The following CCDC181 variants were observed in gnomAD, a reference collection of about 807,000 sequenced individuals.
CCDC181 encodes coiled-coil domain-containing protein 181.
A neutral mutation model predicts 58.7 loss-of-function variants in CCDC181; 35 were observed. The ratio of observed to expected loss-of-function variants is 0.60; its 90% CI spans 0.46 to 0.79. CCDC181 has a LOEUF of 0.79. CCDC181 is among the 30% of genes least tolerant of loss of function. The pLI, the probability that CCDC181 is intolerant of heterozygous loss-of-function variation, is 0.00. For missense variants in CCDC181, 517 were observed against 583.9 expected (o/e 0.89, Z 1.18); for synonymous variants, 183 against 197.5 (o/e 0.93, Z 0.62).
chr1:169,426,581 T>C (rs1286080399), intron 1 of CCDC181, among the ~76,000 whole-genome samples: 1 of 152,228 alleles, frequency 6.6e-6, no homozygotes, highest in Non-Finnish European at 1.5e-5. Context: ...CATGTATACA[T>C]AATTTTGATA....
rs111888410 is a variant in CCDC181, at chr1:169,419,156, C to T, written c.1072G>A (p.Glu358Lys). Residue 358 changes from glutamate to lysine, a missense_variant, in exon 4 of 6, where the codon GAG (glutamate) becomes AAG (lysine). Physicochemically the swap from Glu to Lys is moderately conservative, Grantham distance 56 (BLOSUM62 1). Coordinates refer to ENST00000367806, the MANE Select transcript of CCDC181 (RefSeq NM_001300969.2). ...TTCTCTTCTTCTATTTTTCGTCGCT[C>T]TTCCTAGTAAAAGAATATGAAAAGA... ...EKREKLKREEERRKIEEEKEK... is the reference protein window; with the variant it reads ...EKREKLKREEKRRKIEEEKEK... 9 of 1,589,698 alleles carry T rather than the reference C, an allele frequency of 5.7e-6. No individual in the cohort carries two copies. Among genetic ancestry groups the T allele is most frequent in the African/African-American group, 2.7e-5 (2 of 73,838 alleles).
chr1:169,440,042 G>A (rs1657170247), intron 2 of CCDC181, among the ~76,000 whole-genome samples: 1 of 152,104 alleles, frequency 6.6e-6, no homozygotes, highest in South Asian at 2.1e-4. Context: ...CTTGGAAAAG[G>A]CAACACTGGG....
At chr1:169,454,132 TCAGA>T (rs1421354658) in intron 2 of CCDC181, among the ~76,000 whole-genome samples, 3 of 152,068 alleles carry the variant, frequency 2.0e-5, no homozygotes, top group Non-Finnish European at 4.4e-5. Flanking sequence ...TTTGCGGTAG[TCAGA>T]CAAAGGCACA....
intron 4 of CCDC181, among the ~76,000 whole-genome samples, chr1:169,408,395 G>A (rs1256598638): frequency 6.6e-6 from 1 of 152,212 alleles, no homozygotes; most frequent in Non-Finnish European, 1.5e-5. Context: ...AGCAGCCCCA[G>A]TCAGGGGCTT....
At chr1:169,414,146 A>T (rs546507383) in intron 4 of CCDC181, among the ~76,000 whole-genome samples, 2 of 152,354 alleles carry the variant, frequency 1.3e-5, no homozygotes, top group East Asian at 3.9e-4. Context: ...TGAAAGTAAA[A>T]TATGAAAAAA....
Position 169,421,417 on chromosome 1 carries a change from T to G in CCDC181, c.1014A>C (p.Arg338=). The stretch of plus-strand genomic sequence containing the variant: ...CTAGTTGTTTTTGTAGTTCTTTCTG[T>G]CGAGGGGAAAGACAGTATGTTGAAG... ...PVTSTYCLSP[R]QKELQKQLEE... The change falls in exon 3 of 6, where the codon CGA becomes CGC. Residue 338 remains arginine (R), a synonymous_variant. Transcript: ENST00000367806. The G allele has an allele frequency of 6.2e-7, 1 of 1,613,618 alleles. No individual in the cohort carries two copies. The highest frequency in any genetic ancestry group is 1.3e-5 in the African/African-American group (1 of 75,052).
upstream of CCDC181, among the ~76,000 whole-genome samples, chr1:169,427,745 G>T (rs115697784): frequency 4.5e-3 from 678 of 152,342 alleles, 4 homozygotes; most frequent in African/African-American, 0.016. Flanking sequence ...AGTTAACGTA[G>T]AAAAGTAGTT....
intron 5 of CCDC181, chr1:169,396,640 C>T (rs952786121): frequency 2.0e-5 from 3 of 152,074 alleles, no homozygotes; most frequent in Non-Finnish European, 2.9e-5. Context: ...ACATTTGGTC[C>T]CCCAACTCTC....
intron 2 of CCDC181, among the ~76,000 whole-genome samples, chr1:169,455,052 G>A (rs1657648739): frequency 6.6e-6 from 1 of 151,530 alleles, no homozygotes; most frequent in African/African-American, 2.4e-5. Context: ...ATAACATTCC[G>A]CTATCACAAA....
intron 4 of CCDC181, among the ~76,000 whole-genome samples, chr1:169,401,660 G>A (rs534903581): frequency 6.6e-6 from 1 of 152,226 alleles, no homozygotes; most frequent in Admixed American, 6.5e-5. Flanking sequence ...CATCACCATC[G>A]TCAAAGACCA....
intron 2 of CCDC181, among the ~76,000 whole-genome samples, chr1:169,455,555 TC>T (rs1657658854): frequency 6.6e-6 from 1 of 152,104 alleles, no homozygotes; most frequent in Non-Finnish European, 1.5e-5. Flanking sequence ...TAGGAGCAAT[TC>T]TATTTGTTTT....
intron 4 of CCDC181, among the ~76,000 whole-genome samples, chr1:169,406,459 A>G (rs1290704898): frequency 6.6e-6 from 1 of 152,224 alleles, no homozygotes; most frequent in African/African-American, 2.4e-5. Context: ...ATGGAATACT[A>G]TGCAGCCATA....
At chr1:169,453,676 C>T (rs17577184) in intron 2 of CCDC181, among the ~76,000 whole-genome samples, 40,887 of 151,026 alleles carry the variant, frequency 0.27, 6,547 homozygotes, top group Non-Finnish European at 0.37. Context: ...CCTTCCTCAA[C>T]GATTCTCCAC....
At chr1:169,416,074 G>GT (rs1327783623) in intron 4 of CCDC181, among the ~76,000 whole-genome samples, 1 of 152,232 alleles carries the variant, frequency 6.6e-6, no homozygotes, top group African/African-American at 2.4e-5. Context: ...CTGAGAAGCT[G>GT]TAAGAATCGT....
intron 4 of CCDC181, among the ~76,000 whole-genome samples, chr1:169,412,089 G>A (rs1655994107): frequency 6.6e-6 from 1 of 152,136 alleles, no homozygotes; most frequent in Non-Finnish European, 1.5e-5. Flanking sequence ...AAGTCAAATT[G>A]TCTCTGTTTG....
chr1:169,422,065 T>C lies in CCDC181; in HGVS notation c.366A>G (p.Glu122=), dbSNP rs1372529426. ...QKDLEEEEDE[E]VRRYIMEKIV... ...TTTTCTCCATAATATATCTCCTTAC[T>C]TCCTCATCCTCTTCCTCCTCCAAGT... The change falls in exon 3 of 6, where the codon GAA becomes GAG. Residue 122 remains glutamate, a synonymous_variant. Coordinates refer to ENST00000367806, the MANE Select transcript of CCDC181 (RefSeq NM_001300969.2). The C allele has an allele frequency of 6.2e-7, 1 of 1,613,946 alleles. No individual in the cohort carries two copies. The highest frequency in any genetic ancestry group is 1.1e-5 in the South Asian group (1 of 91,068).
At chr1:169,441,994 T>C (rs1055457560) in intron 2 of CCDC181, among the ~76,000 whole-genome samples, 5 of 152,062 alleles carry the variant, frequency 3.3e-5, no homozygotes, top group Non-Finnish European at 5.9e-5. Flanking sequence ...AATAAATAAG[T>C]AAACAATATG....
chr1:169,456,164 TG>T (rs1330970312), intron 2 of CCDC181, among the ~76,000 whole-genome samples: 1 of 152,126 alleles, frequency 6.6e-6, no homozygotes, highest in African/African-American at 2.4e-5. Context: ...CCTCCCTTTT[TG>T]GCTTAGTTTC....
chr1:169,416,855 A>G (rs1325594734), intron 4 of CCDC181, among the ~76,000 whole-genome samples: 1 of 152,184 alleles, frequency 6.6e-6, no homozygotes, highest in Non-Finnish European at 1.5e-5. Flanking sequence ...AACTTCCACA[A>G]ATGGCATAAT....
Sources: allele counts gnomAD v4.1 joint callset (sites outside exome capture counted in the v4.1 genomes callset), GRCh38; gene constraint gnomAD v4.1.1; transcripts MANE v1.5; gene names NCBI Gene and HGNC (gene_info 2026-07-23, HGNC 2026-07-21).